The following FGF14 variants were observed in gnomAD, a reference collection of about 807,000 sequenced individuals.
FGF14 encodes fibroblast growth factor 14, also known as fibroblast growth factor homologous factor 4.
FGF14 carries 5 observed loss-of-function variants against 25.5 expected under a neutral mutation model. The ratio of observed to expected loss-of-function variants is 0.20; its 90% CI spans 0.10 to 0.41. FGF14 has a LOEUF of 0.41. FGF14 is among the 10% of genes least tolerant of loss of function. FGF14 has a pLI of 1.00. For missense variants in FGF14, 222 were observed against 320.1 expected (o/e 0.69, Z 2.34); for synonymous variants, 138 against 118.3 (o/e 1.17, Z -1.08).
chr13:101,965,261 A>C (rs1366184376), intron 1 of FGF14, among the ~76,000 whole-genome samples: 1 of 105,146 alleles, frequency 9.5e-6, no homozygotes, highest in Non-Finnish European at 2.0e-5. Flanking sequence ...AAAAAAAAAA[A>C]CCTCCTCTTG....
At chr13:102,085,985 T>C (rs991816859) in intron 1 of FGF14, among the ~76,000 whole-genome samples, 2 of 152,190 alleles carry the variant, frequency 1.3e-5, no homozygotes, top group African/African-American at 2.4e-5. Context: ...TAGCTAAAAA[T>C]AAATGGCTAT....
chr13:101,956,330 T>C (rs949333454), intron 1 of FGF14, among the ~76,000 whole-genome samples: 5 of 152,230 alleles, frequency 3.3e-5, no homozygotes, highest in African/African-American at 1.2e-4. Flanking sequence ...TTGCGTATTA[T>C]CATGTAACTC....
chr13:101,933,182 C>A (rs1279023298), intron 1 of FGF14, among the ~76,000 whole-genome samples: 3 of 152,128 alleles, frequency 2.0e-5, no homozygotes, highest in African/African-American at 7.2e-5. Context: ...AAAACAAGTT[C>A]AAACAAATCC....
At chr13:102,140,868 A>G (rs2046616689) in intron 1 of FGF14, among the ~76,000 whole-genome samples, 1 of 152,238 alleles carries the variant, frequency 6.6e-6, no homozygotes, top group African/African-American at 2.4e-5. Context: ...CTCAAACCCA[A>G]ATTAACCTAA....
At chr13:102,066,755 C>T (rs1031561521) in intron 1 of FGF14, among the ~76,000 whole-genome samples, 2 of 152,136 alleles carry the variant, frequency 1.3e-5, no homozygotes, top group Admixed American at 6.5e-5. Flanking sequence ...CCTAGTTGTG[C>T]TTCAATTGAA....
intron 3 of FGF14, among the ~76,000 whole-genome samples, chr13:101,859,870 G>A (rs1274903233): frequency 6.6e-6 from 1 of 152,130 alleles, no homozygotes; most frequent in African/African-American, 2.4e-5. Context: ...TCTCTGCTTA[G>A]ATACAGACAA....
intron 1 of FGF14, among the ~76,000 whole-genome samples, chr13:102,157,310 A>G (rs1332001550): frequency 6.6e-6 from 1 of 152,178 alleles, no homozygotes; most frequent in Non-Finnish European, 1.5e-5. Context: ...CAAAACAGAG[A>G]TATAGACCAA....
intron 3 of FGF14, among the ~76,000 whole-genome samples, chr13:101,747,386 A>C (rs1337363039): frequency 6.6e-6 from 1 of 152,062 alleles, no homozygotes; most frequent in African/African-American, 2.4e-5. Context: ...TGGGAAATTT[A>C]GACAGAAAGA....
At chr13:101,740,147 T>C (rs2036448532) in intron 3 of FGF14, among the ~76,000 whole-genome samples, 2 of 152,140 alleles carry the variant, frequency 1.3e-5, no homozygotes, top group African/African-American at 4.8e-5. Context: ...AATTTTGCAA[T>C]CGGGGAGCTC....
intron 3 of FGF14, among the ~76,000 whole-genome samples, chr13:101,780,068 T>C (rs1261536199): frequency 6.6e-6 from 1 of 152,212 alleles, no homozygotes; most frequent in Non-Finnish European, 1.5e-5. Flanking sequence ...TGACTGGCAC[T>C]GGGCAATTCA....
chr13:101,763,124 G>A lies in FGF14; in HGVS notation c.409-36314C>T, dbSNP rs945330759. Among the ~76,000 whole-genome samples, 4 of 152,292 alleles carry A rather than the reference G, an allele frequency of 2.6e-5. No homozygotes were observed. The South Asian group carries it at 6.2e-4, about 24-fold the overall frequency. On this transcript the variant is annotated intron_variant, in intron 3 of 4. Coordinates refer to ENST00000376143, the MANE Select transcript of FGF14 (RefSeq NM_004115.4). ...GAAGTAAGCAAATTTGGCCTAATGA[G>A]TTTGGCAGGGTTGGAATTAGAGAGA... is the stretch of plus-strand genomic sequence containing the variant.
chr13:101,972,560 C>A (rs1312897322), intron 1 of FGF14, among the ~76,000 whole-genome samples: 1 of 152,188 alleles, frequency 6.6e-6, no homozygotes. Flanking sequence ...AGATCATTGC[C>A]TCCAGGTTTC....
intron 1 of FGF14, among the ~76,000 whole-genome samples, chr13:102,364,789 C>T (rs1218207709): frequency 6.6e-6 from 1 of 152,170 alleles, no homozygotes; most frequent in African/African-American, 2.4e-5. Context: ...CATTCAGTTC[C>T]TCTGCAGTTG....
At chr13:101,887,811 C>T (rs1025787795) in intron 1 of FGF14, among the ~76,000 whole-genome samples, 2 of 152,160 alleles carry the variant, frequency 1.3e-5, no homozygotes, top group Admixed American at 6.6e-5. Flanking sequence ...TTGATCATTA[C>T]ACATTGTAGT....
At position 102,272,896 on chromosome 13, in the gene FGF14, T is replaced by C. The variant is rs145815641; in HGVS notation, c.208+128575A>G. ...ATTTTAAAATAAGGAAAGAAATTCATTGATAAGACTTTTAAAGATAGCTTC... is the reference window on the plus strand; with the variant it reads ...ATTTTAAAATAAGGAAAGAAATTCACTGATAAGACTTTTAAAGATAGCTTC... On this transcript the variant is annotated intron_variant, in intron 1 of 4. Coordinates refer to the FGF14 transcript ENST00000376131. 2.3e-3 allele frequency among the ~76,000 whole-genome samples: 343 copies of C among 152,300 alleles called. 1 individual carries two copies. The highest frequency in any genetic ancestry group is 0.017 in the Middle Eastern group (5 of 294).
At chr13:101,774,640 T>A (rs74121005) in intron 3 of FGF14, among the ~76,000 whole-genome samples, 35 of 152,310 alleles carry the variant, frequency 2.3e-4, no homozygotes, top group African/African-American at 8.2e-4. Flanking sequence ...ATATGCATGA[T>A]AGACAGAATC....
intron 1 of FGF14, among the ~76,000 whole-genome samples, chr13:102,249,991 G>A (rs748007720): frequency 5.9e-5 from 9 of 152,058 alleles, no homozygotes; most frequent in Admixed American, 3.9e-4. Flanking sequence ...ACCAGGCCCA[G>A]CCACAAAAGA....
chr13:101,940,860 T>A lies in FGF14; in HGVS notation c.209-65564A>T, dbSNP rs559485005. The stretch of plus-strand genomic sequence containing the variant: ...TTCAACAAATATTGAAAGAATTTTT[T>A]AAAAAATATTTTTCATTCATAAGCA... On this transcript the variant is annotated intron_variant, in intron 1 of 4. Transcript: ENST00000376131. Among the ~76,000 whole-genome samples, 25 of 152,312 alleles carry A rather than the reference T, an allele frequency of 1.6e-4. No individual in the cohort carries two copies. The South Asian group carries it at 3.7e-3, about 23-fold the overall frequency.
intron 1 of FGF14, among the ~76,000 whole-genome samples, chr13:102,032,766 C>T (rs2041273051): frequency 6.6e-6 from 1 of 152,108 alleles, no homozygotes; most frequent in South Asian, 2.1e-4. Flanking sequence ...TCAAGCTGTA[C>T]TAGGATGGCA....
Sources: allele counts gnomAD v4.1 joint callset (sites outside exome capture counted in the v4.1 genomes callset), GRCh38; gene constraint gnomAD v4.1.1; transcripts MANE v1.5; gene names NCBI Gene and HGNC (gene_info 2026-07-23, HGNC 2026-07-21).